RASSF6: variants seen among roughly 807,000 people sequenced by gnomAD.
The protein encoded by RASSF6 is Ras association domain family member 6.
RASSF6 carries 52 observed loss-of-function variants against 44.0 expected under a neutral mutation model. That is an observed-to-expected ratio of 1.18 (90% CI 0.95 to 1.49). RASSF6 has a LOEUF of 1.49. RASSF6 is among the 40% of genes most tolerant of loss of function. RASSF6 has a pLI of 0.00. For missense variants in RASSF6, 464 were observed against 393.3 expected (o/e 1.18, Z -1.52); for synonymous variants, 162 against 124.6 (o/e 1.30, Z -2.00).
chr4:73,594,856 A>G (rs369904627), intron 3 of RASSF6, among the ~76,000 whole-genome samples: 1 of 152,152 alleles, frequency 6.6e-6, no homozygotes, highest in Non-Finnish European at 1.5e-5. Flanking sequence ...AACTTATAGA[A>G]TCTCTGAAAA....
chr4:73,591,500 T>C (rs569496146), intron 4 of RASSF6, among the ~76,000 whole-genome samples: 19 of 152,304 alleles, frequency 1.2e-4, no homozygotes, highest in African/African-American at 4.3e-4. Flanking sequence ...GGTAGTTAAT[T>C]TTATAAATCC....
chr4:73,595,141 TAC>T (rs1257463548), intron 3 of RASSF6, among the ~76,000 whole-genome samples: 1 of 152,180 alleles, frequency 6.6e-6, no homozygotes, highest in African/African-American at 2.4e-5. Context: ...CTTCACCTCA[TAC>T]AGTTTTTAAA....
chr4:73,587,188 A>G (rs1724163889), intron 5 of RASSF6, among the ~76,000 whole-genome samples: 2 of 152,122 alleles, frequency 1.3e-5, no homozygotes, highest in Admixed American at 1.3e-4. Flanking sequence ...ACAGCTATCA[A>G]TATCACTATT....
At chr4:73,613,320 C>T (rs1231942542) in intron 1 of RASSF6, among the ~76,000 whole-genome samples, 1 of 152,126 alleles carries the variant, frequency 6.6e-6, no homozygotes, top group Non-Finnish European at 1.5e-5. Flanking sequence ...GCATTTTATG[C>T]TGCCTTGGGC....
intron 3 of RASSF6, among the ~76,000 whole-genome samples, chr4:73,594,732 A>G (rs1362667514): frequency 2.6e-5 from 4 of 152,216 alleles, no homozygotes; most frequent in Non-Finnish European, 5.9e-5. Flanking sequence ...TGTTTTCAAC[A>G]ATCAAACACA....
At chr4:73,593,630 T>C (rs758290315) in intron 3 of RASSF6, 37 bp from the exon 4 acceptor site, 2 of 1,591,602 alleles carry the variant, frequency 1.3e-6, no homozygotes, top group South Asian at 1.1e-5. Context: ...ATTGTTTTTG[T>C]ATTATTTATA....
chr4:73,576,337 TA>T (rs774231225), intron 10 of RASSF6, 27 bp from the exon 11 acceptor site: 1 of 1,503,948 alleles, frequency 6.6e-7, no homozygotes, highest in Non-Finnish European at 9.2e-7. Context: ...GAAAGACTAT[TA>T]AAAATTGGAC....
intron 1 of RASSF6, chr4:73,615,841 C>T: frequency 6.7e-7 from 1 of 1,485,354 alleles, no homozygotes. Flanking sequence ...ACGTGGTTCA[C>T]CTCCCCCTGC....
intron 1 of RASSF6, among the ~76,000 whole-genome samples, chr4:73,612,692 GTTGTTAAACTCACTAGGTAC>G (rs1290196293): frequency 2.0e-5 from 3 of 152,080 alleles, no homozygotes; most frequent in African/African-American, 2.4e-5. Flanking sequence ...TTTATAGCAT[GTTGTTAAACTCACTAGGTAC>G]TTTGTTACAG....
chr4:73,588,732 G>A (rs1374616999), intron 4 of RASSF6, among the ~76,000 whole-genome samples: 1 of 151,774 alleles, frequency 6.6e-6, no homozygotes, highest in Non-Finnish European at 1.5e-5. Context: ...CCTGAAAATA[G>A]TAAGCATTCA....
chr4:73,600,727 T>TAA (rs11375424), intron 2 of RASSF6, among the ~76,000 whole-genome samples: 2 of 152,154 alleles, frequency 1.3e-5, no homozygotes, highest in East Asian at 3.8e-4. Flanking sequence ...ACAATTGCCA[T>TAA]AAAAAGATCC....
chr4:73,595,631 G>A (rs1724884056), intron 3 of RASSF6, among the ~76,000 whole-genome samples: 1 of 151,742 alleles, frequency 6.6e-6, no homozygotes, highest in Non-Finnish European at 1.5e-5. Context: ...TGAATTTTGT[G>A]GAAACTTTTG....
At chr4:73,587,493 G>A (rs7665972) in intron 5 of RASSF6, among the ~76,000 whole-genome samples, 42,222 of 151,606 alleles carry the variant, frequency 0.28, 6,106 homozygotes, top group Admixed American at 0.41. Flanking sequence ...AAAGCTATTG[G>A]GAATAATAAA....
chr4:73,598,852 TA>T (rs1725105553), intron 2 of RASSF6, 134 bp from the exon 3 acceptor site: 1 of 480,700 alleles, frequency 2.1e-6, no homozygotes, highest in Admixed American at 4.5e-5. Flanking sequence ...CACTTTAACT[TA>T]ACATAAGTCA....
chr4:73,589,796 G>A (rs1378690664), intron 4 of RASSF6, among the ~76,000 whole-genome samples: 1 of 152,028 alleles, frequency 6.6e-6, no homozygotes, highest in African/African-American at 2.4e-5. Context: ...TAAAGTTCAG[G>A]ATGTATATCA....
chr4:73,596,510 T>C (rs1724953608), intron 3 of RASSF6, among the ~76,000 whole-genome samples: 1 of 152,198 alleles, frequency 6.6e-6, no homozygotes, highest in Non-Finnish European at 1.5e-5. Context: ...TCCATGATCA[T>C]GGATAGGAAG....
chr4:73,586,736 G>A (rs1026921138), intron 5 of RASSF6, among the ~76,000 whole-genome samples: 1 of 151,600 alleles, frequency 6.6e-6, no homozygotes, highest in African/African-American at 2.4e-5. Context: ...CAAGATACTG[G>A]GATTTCCTTG....
At position 73,576,261 on chromosome 4, in the gene RASSF6, CT is replaced by C; in HGVS notation, c.987del (p.Val330Ter). The C allele has an allele frequency of 6.4e-7, 1 of 1,560,458 alleles. No homozygotes were observed. The highest frequency in any genetic ancestry group is 8.8e-7 in the Non-Finnish European group (1 of 1,136,104). On this transcript the variant is annotated frameshift_variant, in exon 11 of 11. Transcript: ENST00000307439. LOFTEE classifies it high-confidence loss of function. The part of the protein sequence containing the change: ...AIILKCLQNK[L>X]VIKTETTV Reference sequence around the variant, plus strand: ...TAAACTGTTGTCTCTGTTTTTATTACTAGTTTATTTTGAAGACATTTCAGTA... The same window carrying C: ...TAAACTGTTGTCTCTGTTTTTATTACAGTTTATTTTGAAGACATTTCAGTA...
intron 1 of RASSF6, among the ~76,000 whole-genome samples, chr4:73,616,811 C>G (rs1428839735): frequency 6.6e-6 from 1 of 152,114 alleles, no homozygotes; most frequent in Non-Finnish European, 1.5e-5. Context: ...CTTGAAGAAG[C>G]AATAGAAAGT....
Sources: gnomAD v4.1 joint callset for allele counts (sites outside exome capture counted in the v4.1 genomes callset) on GRCh38, gnomAD v4.1.1 for gene constraint, MANE v1.5 for transcripts, NCBI Gene and HGNC (gene_info 2026-07-23, HGNC 2026-07-21) for gene names.